The following TMEM165 variants were observed in gnomAD, a reference collection of about 807,000 sequenced individuals.
The protein encoded by TMEM165 is putative divalent cation/proton antiporter TMEM165.
Under a neutral mutation model 30.0 loss-of-function variants are expected in TMEM165, and 19 were observed. The observed-to-expected ratio is 0.63, with a 90% CI of 0.44 to 0.93. The LOEUF (loss-of-function observed/expected upper bound fraction) is 0.93. Among genes scored for constraint, TMEM165 ranks in the 40% least tolerant of loss-of-function variants. The pLI, the probability that TMEM165 is intolerant of heterozygous loss-of-function variation, is 0.00. For synonymous variants in TMEM165, 168 were observed against 162.9 expected (o/e 1.03, Z -0.24); for missense variants, 340 against 417.0 (o/e 0.82, Z 1.61).
intron 4 of TMEM165, among the ~76,000 whole-genome samples, chr4:55,421,293 CTTTCTTTTTTTTT>C (rs569980367): frequency 5.4e-5 from 7 of 129,662 alleles, no homozygotes; most frequent in Non-Finnish European, 9.9e-5. Flanking sequence ...TATTTTCTTT[CTTTCTTTTTTTTT>C]TTTTTTTTTT....
chr4:55,417,329 A>C (rs1031212219), intron 3 of TMEM165, 82 bp downstream of exon 3: 1 of 1,366,904 alleles, frequency 7.3e-7, no homozygotes, highest in African/African-American at 1.5e-5. Flanking sequence ...CAGTGGCCCC[A>C]TCTGTGTGAT....
chr4:55,436,336 T>C (rs1472965030), intron 3 of TMEM165, among the ~76,000 whole-genome samples: 2 of 152,046 alleles, frequency 1.3e-5, no homozygotes, highest in Non-Finnish European at 2.9e-5. Flanking sequence ...TGCATTTGAG[T>C]TTTGCTCTGC....
chr4:55,431,015 AAT>A, downstream of TMEM165: 1 of 152,336 alleles, frequency 6.6e-6, no homozygotes, highest in Admixed American at 6.5e-5. Flanking sequence ...CATTTTATAT[AAT>A]TTCACCTAAG....
chr4:55,452,954 ATAAAG>A, exon 4 of TMEM165: 3 of 832,560 alleles, frequency 3.6e-6, no homozygotes, highest in Non-Finnish European at 5.8e-6. Context: ...AAGTGAGGAA[ATAAAG>A]TATTTTTGAA....
intron 1 of TMEM165, among the ~76,000 whole-genome samples, chr4:55,410,075 C>T (rs952158726): frequency 6.6e-6 from 1 of 152,162 alleles, no homozygotes; most frequent in Non-Finnish European, 1.5e-5. Context: ...TTCCCTCCCT[C>T]CTCCTTGCCT....
chr4:55,400,319 T>A (rs59972958), intron 1 of TMEM165, among the ~76,000 whole-genome samples: 10 of 69,046 alleles, frequency 1.4e-4, no homozygotes, highest in Admixed American at 2.3e-4. Context: ...ATATTAATAC[T>A]GTATTATATA....
At chr4:55,400,284 T>TATATTATATATA (rs1203982282) in intron 1 of TMEM165, among the ~76,000 whole-genome samples, 54 of 103,162 alleles carry the variant, frequency 5.2e-4, no homozygotes, top group East Asian at 2.0e-3. Flanking sequence ...TATAATATTA[T>TATATTATATATA]ATATTATATA....
rs1721502186 is a variant in TMEM165 at position 55,411,629 on chromosome 4, G to A, written c.223G>A (p.Ala75Thr). 1 of 1,611,854 alleles carries A rather than the reference G, an allele frequency of 6.2e-7. No individual in the cohort carries two copies. The highest frequency in any genetic ancestry group is 8.5e-7 in the Non-Finnish European group (1 of 1,179,360). ...TTTTTTCCAGAAAATATTTACACCA[G>A]CAGCTCCAGTTCATACCAATAAAGA... ...PARVEKIFTP[A>T]APVHTNKEDP... is the part of the protein sequence containing the mutation. The change falls in exon 2 of 6, where the codon GCA becomes ACA. Residue 75 changes from alanine (A) to threonine (T), a missense_variant. Ala to Thr is a moderately conservative substitution (Grantham distance 58). Transcript: ENST00000381334.
rs962724945 is a variant in TMEM165 at position 55,401,273 on chromosome 4, C to G, written c.207+4877C>G. 8.6e-5 allele frequency among the ~76,000 whole-genome samples: 13 copies of G among 150,596 alleles called. 2 individuals carry two copies. The highest frequency in any genetic ancestry group is 3.3e-4 in the African/African-American group (13 of 39,986). On this transcript the variant is annotated intron_variant, in intron 1 of 5. Coordinates refer to ENST00000381334, the MANE Select transcript of TMEM165 (RefSeq NM_018475.5). ...CAAGATTAACCCCCAATTTACAAAC[C>G]CATGATAAAAAGTGTTGTTGATTAC...
At chr4:55,400,284 T>A (rs1247187704) in intron 1 of TMEM165, among the ~76,000 whole-genome samples, 1 of 103,172 alleles carries the variant, frequency 9.7e-6, no homozygotes, top group East Asian at 2.2e-4. Context: ...TATAATATTA[T>A]ATATTATATA....
chr4:55,403,343 CTG>C (rs1255579287), intron 1 of TMEM165: 2 of 1,260,362 alleles, frequency 1.6e-6, no homozygotes, highest in East Asian at 5.7e-5. Flanking sequence ...ATGCAGGTAT[CTG>C]TATCAATTTC....
intron 1 of TMEM165, among the ~76,000 whole-genome samples, chr4:55,400,005 T>C (rs1720884565): frequency 6.8e-6 from 1 of 146,742 alleles, no homozygotes; most frequent in Non-Finnish European, 1.5e-5. Flanking sequence ...AATTGTCTTC[T>C]TTTCTTCCTT....
intron 3 of TMEM165, chr4:55,434,259 G>A (rs1217431112): frequency 6.6e-6 from 1 of 152,588 alleles, no homozygotes; most frequent in Admixed American, 6.5e-5. Context: ...CTGACTAAAA[G>A]AAGCATTGAA....
chr4:55,433,330 T>C (rs1722647224), intron 3 of TMEM165: 2 of 152,630 alleles, frequency 1.3e-5, no homozygotes, highest in African/African-American at 4.8e-5. Context: ...CACACTTCTT[T>C]TGTAGAAGGG....
downstream of TMEM165, among the ~76,000 whole-genome samples, chr4:55,427,665 A>AAAAG (rs1722285910): frequency 1.3e-5 from 2 of 152,206 alleles, no homozygotes; most frequent in African/African-American, 4.8e-5. Flanking sequence ...ATAACAACAG[A>AAAAG]AAAGACAATT....
At chr4:55,403,502 T>TC (rs1721129621) in intron 1 of TMEM165, among the ~76,000 whole-genome samples, 1 of 148,388 alleles carries the variant, frequency 6.7e-6, no homozygotes, top group Non-Finnish European at 1.5e-5. Context: ...CTTTTTCTTT[T>TC]TTTTTTTTTT....
At chr4:55,402,388 C>CGT (rs375368106) in intron 1 of TMEM165, among the ~76,000 whole-genome samples, 604 of 27,838 alleles carry the variant, frequency 0.022, 16 homozygotes, top group South Asian at 0.094. Context: ...TAAGTGCGTG[C>CGT]GTGTGTGTGT....
chr4:55,401,106 A>G (rs1720977756), intron 1 of TMEM165, among the ~76,000 whole-genome samples: 1 of 150,658 alleles, frequency 6.6e-6, no homozygotes, highest in African/African-American at 2.5e-5. Context: ...CAAGTGGAAG[A>G]TATGTTATAA....
chr4:55,416,520 G>T (rs906451755), intron 2 of TMEM165, among the ~76,000 whole-genome samples: 5 of 152,128 alleles, frequency 3.3e-5, no homozygotes, highest in South Asian at 2.1e-4. Flanking sequence ...AATATAATAA[G>T]AAATTTTTAG....
Sources: gnomAD v4.1 joint callset for allele counts (sites outside exome capture counted in the v4.1 genomes callset) on GRCh38, gnomAD v4.1.1 for gene constraint, MANE v1.5 for transcripts, NCBI Gene and HGNC (gene_info 2026-07-23, HGNC 2026-07-21) for gene names.